Variants in SMPDL3B observed in about 807,000 individuals in gnomAD.
The protein encoded by SMPDL3B is acid sphingomyelinase-like phosphodiesterase 3b.
In SMPDL3B, 31 loss-of-function variants were observed where a neutral mutation model predicts 37.9. The observed-to-expected ratio is 0.82, with a 90% CI of 0.61 to 1.10. The LOEUF (loss-of-function observed/expected upper bound fraction) is 1.10. Among genes scored for constraint, SMPDL3B ranks in the 50% least tolerant of loss-of-function variants. The pLI, the probability that SMPDL3B is intolerant of heterozygous loss-of-function variation, is 0.00. For missense variants in SMPDL3B, 525 were observed against 597.8 expected, an observed-to-expected ratio of 0.88 and a Z score of 1.27; for synonymous variants, 235 against 242.6, an observed-to-expected ratio of 0.97 and a Z score of 0.29.
Position 27,951,813 on chromosome 1 carries a change from C to G in SMPDL3B, c.374-1402C>G, listed in dbSNP as rs372789211. Among the ~76,000 whole-genome samples, 46 of 152,338 alleles carry G rather than the reference C, an allele frequency of 3.0e-4. 1 individual carries two copies. Among genetic ancestry groups the G allele is most frequent in the East Asian group, 1.7e-3 (9 of 5,186 alleles). ...ACAATGAGCTATGATCGTGCCACTG[C>G]ACTGCAGCCTGGGAGGCAAAGGAAG... On this transcript the variant is annotated intron_variant, in intron 3 of 7. Coordinates refer to ENST00000373894, the MANE Select transcript of SMPDL3B (RefSeq NM_014474.4).
chr1:27,953,017 A>G (rs1181380932), intron 3 of SMPDL3B, among the ~76,000 whole-genome samples, 198 bp from the exon 4 acceptor site: 1 of 152,184 alleles, frequency 6.6e-6, no homozygotes, highest in Admixed American at 6.5e-5. Context: ...GTGATGAAAG[A>G]ACCCACTGCT....
Position 27,958,442 on chromosome 1 carries a change from C to A in SMPDL3B, c.1006-34C>A, listed in dbSNP as rs1394444496. On this transcript the variant is annotated intron_variant, in intron 7 of 7. Coordinates refer to ENST00000373894, the MANE Select transcript of SMPDL3B (RefSeq NM_014474.4). The surrounding 1 kb of genome is among the most constrained non-coding windows in gnomAD (Gnocchi z 5.6). ...GGATGGGGATGGAAGCAGACAACTG[C>A]TCACAGCCGGTCTACCCCAAACCCT... 1 of 1,565,174 alleles carries A rather than the reference C, an allele frequency of 6.4e-7. No homozygotes were observed. The highest frequency in any genetic ancestry group is 1.7e-5 in the Admixed American group (1 of 57,242).
chr1:27,945,474 T>G lies in SMPDL3B; in HGVS notation c.275+29T>G, dbSNP rs1388513687. 1 of 1,577,770 alleles carries G rather than the reference T, an allele frequency of 6.3e-7. No homozygotes were observed. Among genetic ancestry groups the G allele is most frequent in the Admixed American group, 1.7e-5 (1 of 59,676 alleles). On this transcript the variant is annotated intron_variant, in intron 2 of 7. Coordinates refer to ENST00000373894, the MANE Select transcript of SMPDL3B (RefSeq NM_014474.4). This position sits in a 1 kb window ranked among gnomAD's most constrained non-coding sequence, Gnocchi z 4.0. ...AGTACAGTTGAGGTGGCAGCTACCCTTTGCCAGGCATCTGCTATGTGCTAC... is the reference window on the plus strand; with the variant it reads ...AGTACAGTTGAGGTGGCAGCTACCCGTTGCCAGGCATCTGCTATGTGCTAC...
At chr1:27,944,736 T>C (rs577527819) in intron 1 of SMPDL3B, among the ~76,000 whole-genome samples, 1 of 152,088 alleles carries the variant, frequency 6.6e-6, no homozygotes, top group South Asian at 2.1e-4. Context: ...TTTTTCTTTT[T>C]TTTTTTTTTT....
intron 7 of SMPDL3B, chr1:27,956,413 T>A (rs1638282251): frequency 7.9e-7 from 1 of 1,271,890 alleles, no homozygotes; most frequent in Non-Finnish European, 1.0e-6. Context: ...CTTGTCTCCG[T>A]CCTGCTCAAA....
Position 27,954,258 on chromosome 1 carries a change from C to T in SMPDL3B, c.518-96C>T, listed in dbSNP as rs1252999346. 3 of 1,170,350 alleles carry T rather than the reference C, an allele frequency of 2.6e-6. No homozygotes were observed. In the Admixed American group the frequency reaches 6.7e-5, roughly 26 times the overall value. 72.5% of individuals were successfully genotyped at this position (1,170,350 alleles called of 1,614,324 possible). A position where few individuals can be genotyped will look rare whatever the true frequency, so the allele number is the denominator to read the frequency against. Reference sequence around the variant, plus strand: ...ATGGGAAAGATGGGAGGGGAAGATGCAACGGAAAAAGAAAGTGGGACATTG... The same window carrying T: ...ATGGGAAAGATGGGAGGGGAAGATGTAACGGAAAAAGAAAGTGGGACATTG... On this transcript the variant is annotated intron_variant, in intron 4 of 7. Coordinates refer to ENST00000373894, the MANE Select transcript of SMPDL3B (RefSeq NM_014474.4).
In SMPDL3B at chr1:27,954,498, T is replaced by C; in HGVS notation, c.662T>C (p.Leu221Pro). 1 of 1,613,990 alleles carries C rather than the reference T, an allele frequency of 6.2e-7. No homozygotes were observed. The highest frequency in any genetic ancestry group is 8.5e-7 in the Non-Finnish European group (1 of 1,180,016). ...CAGTTCCAGTGGCTGGAAGATGTGC[T>C]GACCGATGCATCCAAAGCTGGGGAC... ...GQQFQWLEDV[L>P]TDASKAGDMV... The change falls in exon 5 of 8, where the codon CTG (leucine) becomes CCG (proline). Residue 221 changes from leucine (L) to proline (P), a missense_variant. Transcript: ENST00000373894.
intron 3 of SMPDL3B, among the ~76,000 whole-genome samples, chr1:27,951,588 T>C (rs528834869): frequency 6.6e-6 from 1 of 152,346 alleles, no homozygotes; most frequent in East Asian, 1.9e-4. Flanking sequence ...ATCATATGCC[T>C]GTAAACCCAG....
chr1:27,957,387 A>G (rs543400246), intron 7 of SMPDL3B, among the ~76,000 whole-genome samples: 1 of 152,240 alleles, frequency 6.6e-6, no homozygotes, highest in African/African-American at 2.4e-5. Context: ...GTGCAACGGT[A>G]GGCTGTGGCT....
Position 27,945,388 on chromosome 1 carries a change from C to T in SMPDL3B, c.218C>T (p.Ser73Phe). 6.2e-7 allele frequency: 1 copy of T among 1,614,202 alleles called. No individual in the cohort carries two copies. ...LCDSPWALIN[S>F]SIYAMKEIEP... ...GATTCTCCCTGGGCCCTCATCAACTCCTCCATCTATGCCATGAAGGAGATT... is the reference window on the plus strand; with the variant it reads ...GATTCTCCCTGGGCCCTCATCAACTTCTCCATCTATGCCATGAAGGAGATT... Residue 73 changes from serine (S) to phenylalanine (F), a missense_variant, in exon 2 of 8, where the codon TCC (serine) becomes TTC (phenylalanine). By Grantham distance (155) the Ser-to-Phe change is radical. Transcript: ENST00000373894. The surrounding 1 kb of genome is among the most constrained non-coding windows in gnomAD (Gnocchi z 4.0).
At chr1:27,935,305 G>T in intron 1 of SMPDL3B, 61 bp downstream of exon 1, 7 of 1,304,772 alleles carry the variant, frequency 5.4e-6, no homozygotes, top group Non-Finnish European at 7.7e-6. Context: ...GGGGCTGCGG[G>T]AAGCTGCTCG....
At chr1:27,936,598 G>A (rs917008673) in intron 1 of SMPDL3B, 4 of 152,246 alleles carry the variant, frequency 2.6e-5, no homozygotes, top group African/African-American at 9.7e-5. Flanking sequence ...GCTGGGAAAT[G>A]GCAGGACAAA....
chr1:27,941,050 G>C (rs1025019436), intron 1 of SMPDL3B, among the ~76,000 whole-genome samples: 2 of 152,216 alleles, frequency 1.3e-5, no homozygotes, highest in Middle Eastern at 3.2e-3. Context: ...CAAACACATG[G>C]AAGAGGCTGG....
chr1:27,941,687 AG>A (rs1352092513), intron 1 of SMPDL3B: 2 of 153,030 alleles, frequency 1.3e-5, no homozygotes, highest in Non-Finnish European at 2.9e-5. Flanking sequence ...GAGTCTTCTG[AG>A]GAGGTGACCT....
rs1396918025 is a variant in SMPDL3B at position 27,955,574 on chromosome 1, C to A, written c.691-110C>A. 5.7e-6 allele frequency: 6 copies of A among 1,044,256 alleles called. No homozygotes were observed. The Admixed American group carries it at 1.0e-4, about 17-fold the overall frequency. The allele number at this position is 1,044,256 out of a possible 1,614,324, so 64.7% of individuals were successfully genotyped here. A position where few individuals can be genotyped will look rare whatever the true frequency, so the allele number is the denominator to read the frequency against. ...CCGGGAGGCCTTCAGGGAGGAGATA[C>A]ATTTGGGCCTGTCTACCTGCCTTTG... On this transcript the variant is annotated intron_variant, in intron 5 of 7. Transcript: ENST00000373894.
intron 1 of SMPDL3B, among the ~76,000 whole-genome samples, chr1:27,944,605 C>G (rs181687557): frequency 9.2e-5 from 14 of 152,256 alleles, no homozygotes; most frequent in Admixed American, 3.3e-4. Context: ...ATCATCTTAC[C>G]TTGGCCTCCC....
chr1:27,955,753 G>A lies in SMPDL3B; in HGVS notation c.760G>A (p.Gly254Ser), dbSNP rs759204164. The A allele has an allele frequency of 9.9e-6, 16 of 1,614,094 alleles. No individual in the cohort carries two copies. Among genetic ancestry groups the A allele is most frequent in the Non-Finnish European group, 1.3e-5 (15 of 1,180,010 alleles). Residue 254 changes from glycine to serine, a missense_variant, in exon 6 of 8, where the codon GGC becomes AGC. Gly to Ser is a moderately conservative substitution (Grantham distance 56). Transcript: ENST00000373894. ...KTQNKAWFRE[G>S]FNEKYLKVVR... ...GCAAAACAAGGCATGGTTCCGGGAG[G>A]GCTTCAATGAAAAATACCTGAAGGT...
Position 27,955,865 on chromosome 1 carries a change from G to T in SMPDL3B, c.871+1G>T, listed in dbSNP as rs367762323. 3 of 1,612,546 alleles carry T rather than the reference G, an allele frequency of 1.9e-6. No homozygotes were observed. Among genetic ancestry groups the T allele is most frequent in the Non-Finnish European group, 2.5e-6 (3 of 1,178,800 alleles). The stretch of plus-strand genomic sequence containing the variant: ...TTTCGGATGCTCTATGATGATGCAG[G>T]TATTCAACCTGGAGGGCAACTGCCA... On this transcript the variant is annotated splice_donor_variant, in intron 6 of 7. Transcript: ENST00000373894. LOFTEE classifies it high-confidence loss of function.
At chr1:27,937,994 T>C (rs2090323689) in intron 1 of SMPDL3B, among the ~76,000 whole-genome samples, 1 of 152,182 alleles carries the variant, frequency 6.6e-6, no homozygotes, top group African/African-American at 2.4e-5. Flanking sequence ...TTACTACCCC[T>C]TCCCTAGAAA....
Sources: gnomAD v4.1 joint callset for allele counts (sites outside exome capture counted in the v4.1 genomes callset) on GRCh38, gnomAD v4.1.1 for gene constraint, Gnocchi (gnomAD v3.1) non-coding constraint, MANE v1.5 for transcripts, NCBI Gene and HGNC (gene_info 2026-07-23, HGNC 2026-07-21) for gene names.